Variants in SLC17A2 observed in about 807,000 individuals in gnomAD.
SLC17A2 encodes sodium-dependent phosphate transport protein 3.
Under a neutral mutation model 52.1 loss-of-function variants are expected in SLC17A2, and 38 were observed. That is an observed-to-expected ratio of 0.73 (90% CI 0.56 to 0.96). The LOEUF is 0.96. SLC17A2 is among the 40% of genes least tolerant of loss of function. The pLI, the probability that SLC17A2 is intolerant of heterozygous loss-of-function variation, is 0.00. For missense variants in SLC17A2, 508 were observed against 583.9 expected, an observed-to-expected ratio of 0.87 and a Z score of 1.34; for synonymous variants, 226 against 211.9, an observed-to-expected ratio of 1.07 and a Z score of -0.58.
intron 1 of SLC17A2, among the ~76,000 whole-genome samples, chr6:25,926,639 G>A (rs1295076259): frequency 6.6e-6 from 1 of 152,072 alleles, no homozygotes; most frequent in African/African-American, 2.4e-5. Flanking sequence ...GCATACATTT[G>A]TTTCTTTTAG....
Position 25,921,249 on chromosome 6 carries a change from A to G in SLC17A2, c.404T>C (p.Phe135Ser), listed in dbSNP as rs779522023. 3 of 1,614,028 alleles carry G rather than the reference A, an allele frequency of 1.9e-6. No homozygotes were observed. In the Admixed American group the frequency reaches 5.0e-5, roughly 27 times the overall value. ...TCCGAAGTCAGCAGCCAGTGGTGTAAAGAGGGTGAGAAGGGAAGAGATCAG... is the reference window on the plus strand; with the variant it reads ...TCCGAAGTCAGCAGCCAGTGGTGTAGAGAGGGTGAGAAGGGAAGAGATCAG... ...GLLISSLLTL[F>S]TPLAADFGVI... is the part of the protein sequence containing the mutation. The change falls in exon 4 of 12, where the codon TTT becomes TCT. Residue 135 changes from phenylalanine (F) to serine (S), a missense_variant. Transcript: ENST00000377850.
At chr6:25,915,443 G>C (rs1158830432) in intron 10 of SLC17A2, 56 bp downstream of exon 10, 1 of 1,465,134 alleles carries the variant, frequency 6.8e-7, no homozygotes, top group African/African-American at 1.4e-5. Flanking sequence ...CGACCACTGA[G>C]GTCTAACACC....
chr6:25,914,804 A>C, intron 10 of SLC17A2, 134 bp from the exon 11 acceptor site: 1 of 616,740 alleles, frequency 1.6e-6, no homozygotes, highest in South Asian at 2.0e-5. Flanking sequence ...TCACCTAAAG[A>C]CATTCAGGGC....
intron 11 of SLC17A2, among the ~76,000 whole-genome samples, chr6:25,913,703 C>T (rs1294265074): frequency 1.3e-5 from 2 of 151,588 alleles, no homozygotes. Flanking sequence ...ATTTGGATTT[C>T]AACATATAAT....
At chr6:25,920,922 T>C in intron 5 of SLC17A2, 84 bp downstream of exon 5, 1 of 1,309,938 alleles carries the variant, frequency 7.6e-7, no homozygotes, top group Non-Finnish European at 1.1e-6. Context: ...TTCTCTCTCT[T>C]CCCCAAACCA....
chr6:25,918,460 G>A (rs3752421), intron 6 of SLC17A2, 27 bp downstream of exon 6: 604,984 of 1,522,656 alleles, frequency 0.4, 125,876 homozygotes, highest in East Asian at 0.74. Context: ...AAATGGAGGC[G>A]TTAGGATTTA....
Position 25,925,843 on chromosome 6 carries a change from TG to T in SLC17A2, c.-48del, listed in dbSNP as rs1322138328. Reference sequence around the variant, plus strand: ...ACCACGCTTTGTGGTGGAGTTTCCCTGTGCCCTGAATCTCTTTTACTACGAC... The same window carrying T: ...ACCACGCTTTGTGGTGGAGTTTCCCTTGCCCTGAATCTCTTTTACTACGAC... On this transcript the variant is annotated 5_prime_UTR_variant, in exon 2 of 12. Transcript: ENST00000377850. 6.2e-7 allele frequency: 1 copy of T among 1,601,966 alleles called. No individual in the cohort carries two copies. Among genetic ancestry groups the T allele is most frequent in the African/African-American group, 1.3e-5 (1 of 74,692 alleles).
chr6:25,915,879 G>T lies in SLC17A2; in HGVS notation c.931-11C>A, dbSNP rs1229645747. The T allele has an allele frequency of 1.2e-6, 2 of 1,612,726 alleles. No homozygotes were observed. Among genetic ancestry groups the T allele is most frequent in the Non-Finnish European group, 1.7e-6 (2 of 1,179,506 alleles). Reference sequence around the variant, plus strand: ...GGACAGAACTCCACTCTGAAGGAAGGAAGTTTATACAGAGTAGTTATAGAG... The same window carrying T: ...GGACAGAACTCCACTCTGAAGGAAGTAAGTTTATACAGAGTAGTTATAGAG... On this transcript the variant is annotated splice_polypyrimidine_tract_variant and intron_variant, in intron 8 of 11. Transcript: ENST00000377850.
chr6:25,924,798 G>T (rs1370767153), intron 2 of SLC17A2, among the ~76,000 whole-genome samples: 4 of 130,028 alleles, frequency 3.1e-5, no homozygotes, highest in African/African-American at 1.2e-4. Flanking sequence ...GACAGAATGA[G>T]ACTCAATCTC....
chr6:25,921,280 CAGCACCA>C lies in SLC17A2; in HGVS notation c.366_372del (p.Gly123ValfsTer3). 6.2e-7 allele frequency: 1 copy of C among 1,614,180 alleles called. No homozygotes were observed. Among genetic ancestry groups the C allele is most frequent in the Non-Finnish European group, 8.5e-7 (1 of 1,180,044 alleles). ...GTGAGAAGGGAAGAGATCAGCAAAC[CAGCACCA>C]AGCATTTTTTTTGCTCCAAATATCC... On this transcript the variant is annotated frameshift_variant, in exon 4 of 12. Transcript: ENST00000377850. LOFTEE classifies it high-confidence loss of function.
intron 6 of SLC17A2, 145 bp from the exon 7 acceptor site, chr6:25,917,232 T>C (rs1766361012): frequency 3.0e-6 from 2 of 661,454 alleles, no homozygotes; most frequent in Admixed American, 4.9e-5. Context: ...TCCCATTCTT[T>C]CTTTCAATCC....
At chr6:25,915,177 A>ATATATATATATATG (rs1554137783) in intron 10 of SLC17A2, among the ~76,000 whole-genome samples, 5,490 of 107,566 alleles carry the variant, frequency 0.051, 747 homozygotes, top group Non-Finnish European at 0.078. Flanking sequence ...ATATATATAT[A>ATATATATATATATG]TGGTAGCTAA....
intron 11 of SLC17A2, 34 bp from the exon 12 acceptor site, chr6:25,913,485 C>T (rs1766180848): frequency 6.2e-7 from 1 of 1,607,392 alleles, no homozygotes; most frequent in African/African-American, 1.3e-5. Context: ...TGATCAATCT[C>T]ACAAGTTCCT....
chr6:25,922,782 A>T (rs867079510), intron 3 of SLC17A2, among the ~76,000 whole-genome samples: 69 of 152,310 alleles, frequency 4.5e-4, no homozygotes, highest in African/African-American at 1.2e-3. Context: ...ACATACAACA[A>T]AGATTTTATT....
At chr6:25,924,615 C>T (rs1364056306) in intron 2 of SLC17A2, among the ~76,000 whole-genome samples, 1 of 151,816 alleles carries the variant, frequency 6.6e-6, no homozygotes, top group African/African-American at 2.4e-5. Context: ...TTGAGACCAG[C>T]CTGGTCAACA....
intron 3 of SLC17A2, among the ~76,000 whole-genome samples, chr6:25,923,319 A>G (rs1207602686): frequency 1.3e-5 from 2 of 152,254 alleles, no homozygotes; most frequent in African/African-American, 2.4e-5. Context: ...TTGCATTTCT[A>G]TTGGTTATAT....
intron 11 of SLC17A2, among the ~76,000 whole-genome samples, 164 bp from the exon 12 acceptor site, chr6:25,913,615 CCAAAATGCA>C (rs1171643788): frequency 2.0e-5 from 3 of 152,056 alleles, no homozygotes; most frequent in Non-Finnish European, 4.4e-5. Flanking sequence ...AACAAAATGG[CCAAAATGCA>C]CATGGGGTTC....
intron 5 of SLC17A2, among the ~76,000 whole-genome samples, chr6:25,920,563 T>C (rs913065597): frequency 6.6e-6 from 1 of 152,220 alleles, no homozygotes; most frequent in Non-Finnish European, 1.5e-5. Context: ...AATAGAATAG[T>C]AAAGAGCTTA....
chr6:25,917,064 G>A lies in SLC17A2; in HGVS notation c.673C>T (p.Leu225Phe). The A allele has an allele frequency of 9.3e-6, 15 of 1,614,008 alleles. No individual in the cohort carries two copies. The highest frequency in any genetic ancestry group is 1.2e-5 in the Non-Finnish European group (14 of 1,179,908). Residue 225 changes from leucine to phenylalanine, a missense_variant, in exon 7 of 12, where the codon CTC becomes TTC. By Grantham distance (22) the Leu-to-Phe change is conservative. Coordinates refer to ENST00000377850, the MANE Select transcript of SLC17A2 (RefSeq NM_001286123.3). ...IFGSTGCVCC[L>F]LWFTVIYDDP... ...TCATAAATCACTGTGAACCATAGGAGACAGCAGACACAGCCAGTGCTACCT... is the reference window on the plus strand; with the variant it reads ...TCATAAATCACTGTGAACCATAGGAAACAGCAGACACAGCCAGTGCTACCT...
Sources: gnomAD v4.1 joint callset for allele counts (sites outside exome capture counted in the v4.1 genomes callset) on GRCh38, gnomAD v4.1.1 for gene constraint, MANE v1.5 for transcripts, NCBI Gene and HGNC (gene_info 2026-07-23, HGNC 2026-07-21) for gene names.